Variants in CDH12 observed in about 807,000 individuals in gnomAD.
The protein encoded by CDH12 is cadherin-12.
Under a neutral mutation model 74.1 loss-of-function variants are expected in CDH12, and 41 were observed. That is an observed-to-expected ratio of 0.55 (90% CI 0.43 to 0.72). The LOEUF (loss-of-function observed/expected upper bound fraction) is 0.72. Ranked by LOEUF, CDH12 falls within the 30% of genes least tolerant of loss-of-function variation. CDH12 has a pLI of 0.00. For missense variants in CDH12, 945 were observed against 977.2 expected, an observed-to-expected ratio of 0.97 and a Z score of 0.44; for synonymous variants, 399 against 355.0, an observed-to-expected ratio of 1.12 and a Z score of -1.39.
chr5:22,072,389 A>G (rs894082153), intron 5 of CDH12, among the ~76,000 whole-genome samples: 6 of 152,084 alleles, frequency 3.9e-5, no homozygotes, highest in Non-Finnish European at 5.9e-5. Context: ...ACTTTTCCCC[A>G]TACTACCACT....
chr5:22,703,782 T>C (rs1018329884), intron 1 of CDH12, among the ~76,000 whole-genome samples: 55 of 152,150 alleles, frequency 3.6e-4, no homozygotes, highest in African/African-American at 1.3e-3. Context: ...AATAAAACTT[T>C]AAATAAAATG....
intron 4 of CDH12, among the ~76,000 whole-genome samples, chr5:22,206,292 A>C (rs1561219532): frequency 6.6e-6 from 1 of 152,150 alleles, no homozygotes; most frequent in Non-Finnish European, 1.5e-5. Context: ...ACCTCTAAAA[A>C]AGATCCCCAG....
chr5:22,558,824 A>G (rs1475076299), intron 1 of CDH12, among the ~76,000 whole-genome samples: 1 of 152,084 alleles, frequency 6.6e-6, no homozygotes, highest in African/African-American at 2.4e-5. Flanking sequence ...TAAAATGGCA[A>G]TGGAAACAAT....
chr5:21,854,651 G>A lies in CDH12; in HGVS notation c.646+20C>T. ...TATTTGAAGGGCTGGTGATAATGTT[G>A]CCTCTAATAAAAAATTTACCTGTCT... is the stretch of plus-strand genomic sequence containing the variant. On this transcript the variant is annotated intron_variant, in intron 7 of 14. Transcript: ENST00000382254. The A allele has an allele frequency of 6.4e-7, 1 of 1,566,120 alleles. No homozygotes were observed. Among genetic ancestry groups the A allele is most frequent in the East Asian group, 2.3e-5 (1 of 43,048 alleles).
chr5:22,268,354 G>T (rs924412821), intron 3 of CDH12, among the ~76,000 whole-genome samples: 5 of 151,918 alleles, frequency 3.3e-5, no homozygotes, highest in Non-Finnish European at 7.4e-5. Context: ...CATATGCCTG[G>T]GGAATAGTGT....
intron 4 of CDH12, among the ~76,000 whole-genome samples, chr5:22,173,379 T>A (rs897625469): frequency 2.1e-5 from 3 of 143,704 alleles, no homozygotes; most frequent in African/African-American, 7.4e-5. Context: ...TACATACACT[T>A]TTATATAATA....
chr5:21,993,950 T>C (rs929162542), intron 5 of CDH12, among the ~76,000 whole-genome samples: 15 of 152,188 alleles, frequency 9.9e-5, no homozygotes, highest in African/African-American at 3.6e-4. Flanking sequence ...CTCGGTTATG[T>C]GCTATAGTTC....
intron 3 of CDH12, among the ~76,000 whole-genome samples, chr5:22,255,626 A>C (rs1007603082): frequency 4.6e-5 from 7 of 151,712 alleles, no homozygotes; most frequent in Admixed American, 2.0e-4. Flanking sequence ...ATTTTATTTA[A>C]TTTAAAACAT....
Position 22,050,097 on chromosome 5 carries a change from A to G in CDH12, c.231+28349T>C, listed in dbSNP as rs1257942237. On this transcript the variant is annotated intron_variant, in intron 5 of 14. Coordinates refer to ENST00000382254, the MANE Select transcript of CDH12 (RefSeq NM_004061.5). ...AAATTGTGCTTCTTCCGATATTCTG[A>G]ACATGTTAGAGTTTCCTCAAAAGTC... is the stretch of plus-strand genomic sequence containing the variant. Among the ~76,000 whole-genome samples, 3 of 152,198 alleles carry G rather than the reference A, an allele frequency of 2.0e-5. No homozygotes were observed. In the East Asian group the frequency reaches 5.8e-4, roughly 29 times the overall value.
At chr5:22,194,201 A>T (rs1252986378) in intron 4 of CDH12, among the ~76,000 whole-genome samples, 1 of 152,046 alleles carries the variant, frequency 6.6e-6, no homozygotes, top group Non-Finnish European at 1.5e-5. Flanking sequence ...GAGATGGAAC[A>T]TTCAGGTACC....
chr5:21,994,935 C>T (rs867568918), intron 5 of CDH12, among the ~76,000 whole-genome samples: 9 of 152,098 alleles, frequency 5.9e-5, no homozygotes, highest in African/African-American at 1.9e-4. Context: ...GCAACGGCAA[C>T]GGAGTGGGGT....
At chr5:22,663,508 C>G (rs1413297217) in intron 1 of CDH12, among the ~76,000 whole-genome samples, 1 of 152,064 alleles carries the variant, frequency 6.6e-6, no homozygotes, top group African/African-American at 2.4e-5. Flanking sequence ...CTTTATGTTG[C>G]CATAGGCTAT....
intron 2 of CDH12, among the ~76,000 whole-genome samples, chr5:22,415,074 T>C (rs1375148864): frequency 6.6e-6 from 1 of 152,168 alleles, no homozygotes; most frequent in Admixed American, 6.5e-5. Flanking sequence ...TTTTAGACTT[T>C]GCAGATTAGC....
chr5:21,868,842 T>C (rs1202740991), intron 6 of CDH12, among the ~76,000 whole-genome samples: 5 of 152,178 alleles, frequency 3.3e-5, no homozygotes, highest in Non-Finnish European at 7.4e-5. Flanking sequence ...GTTAAGACTT[T>C]AGGGGCTACT....
chr5:22,514,279 C>A (rs2355598), intron 1 of CDH12, among the ~76,000 whole-genome samples: 8,681 of 151,594 alleles, frequency 0.057, 355 homozygotes, highest in East Asian at 0.19. Context: ...AATACATGAA[C>A]ATTATTAATT....
intron 3 of CDH12, among the ~76,000 whole-genome samples, chr5:22,365,772 G>T (rs1168427326): frequency 6.6e-6 from 1 of 152,094 alleles, no homozygotes; most frequent in Non-Finnish European, 1.5e-5. Flanking sequence ...TCAGTATCAT[G>T]CCAGTTAATT....
chr5:21,868,059 C>A (rs889850105), intron 6 of CDH12, among the ~76,000 whole-genome samples: 1 of 152,196 alleles, frequency 6.6e-6, no homozygotes, highest in East Asian at 1.9e-4. Context: ...TTGGTTCTCA[C>A]TCTTGTCTTG....
At chr5:22,237,282 A>T (rs1295776836) in intron 3 of CDH12, among the ~76,000 whole-genome samples, 3 of 152,122 alleles carry the variant, frequency 2.0e-5, no homozygotes, top group African/African-American at 2.4e-5. Flanking sequence ...ATTGCCTTTG[A>T]GGAAAATTCT....
At chr5:22,052,190 A>G (rs1740420382) in intron 5 of CDH12, among the ~76,000 whole-genome samples, 1 of 152,168 alleles carries the variant, frequency 6.6e-6, no homozygotes, top group Admixed American at 6.6e-5. Context: ...GCTGTCTATT[A>G]CATTTTATTT....
Sources: gnomAD v4.1 joint callset for allele counts (sites outside exome capture counted in the v4.1 genomes callset) on GRCh38, gnomAD v4.1.1 for gene constraint, MANE v1.5 for transcripts, NCBI Gene and HGNC (gene_info 2026-07-23, HGNC 2026-07-21) for gene names.